The following PPP2R2A variants were observed in gnomAD, a reference collection of about 807,000 sequenced individuals.
PPP2R2A encodes the protein serine/threonine-protein phosphatase 2A 55 kDa regulatory subunit B alpha isoform.
PPP2R2A carries 9 observed loss-of-function variants against 53.2 expected under a neutral mutation model. The ratio of observed to expected loss-of-function variants is 0.17; its 90% CI spans 0.10 to 0.30. The LOEUF is 0.30. PPP2R2A is among the 10% of genes least tolerant of loss of function. The pLI, the probability that PPP2R2A is intolerant of heterozygous loss-of-function variation, is 1.00. For missense variants in PPP2R2A, 235 were observed against 534.6 expected, an observed-to-expected ratio of 0.44 and a Z score of 5.53; for synonymous variants, 169 against 174.2, an observed-to-expected ratio of 0.97 and a Z score of 0.23.
rs572071846 is a variant in PPP2R2A at position 26,311,283 on chromosome 8, G to A, written c.82+17543G>A. Among the ~76,000 whole-genome samples, 22 of 152,282 alleles carry A rather than the reference G, an allele frequency of 1.4e-4. No individual in the cohort carries two copies. The South Asian group carries it at 4.3e-3, about 30-fold the overall frequency. ...TTAACAGAATTAACAGTTGATAGCA[G>A]AAGAATAAAAGCCTATTCCGGTCCA... is the stretch of plus-strand genomic sequence containing the variant. On this transcript the variant is annotated intron_variant, in intron 2 of 9. Coordinates refer to ENST00000380737, the MANE Select transcript of PPP2R2A (RefSeq NM_002717.4).
intron 2 of PPP2R2A, among the ~76,000 whole-genome samples, chr8:26,336,908 A>G (rs1803691887): frequency 6.6e-6 from 1 of 151,992 alleles, no homozygotes; most frequent in Non-Finnish European, 1.5e-5. Context: ...TGCTGCACCA[A>G]ACCTACCTGT....
intron 2 of PPP2R2A, among the ~76,000 whole-genome samples, chr8:26,334,941 G>A (rs1563305624): frequency 6.6e-6 from 1 of 152,168 alleles, no homozygotes; most frequent in Non-Finnish European, 1.5e-5. Flanking sequence ...GCATGAAATG[G>A]TATCCCTGTT....
At position 26,360,653 on chromosome 8, in the gene PPP2R2A, G is replaced by A. The variant is rs1805032222; in HGVS notation, c.460-321G>A. On this transcript the variant is annotated intron_variant, in intron 5 of 9. Coordinates refer to ENST00000380737, the MANE Select transcript of PPP2R2A (RefSeq NM_002717.4). This position sits in a 1 kb window ranked among gnomAD's most constrained non-coding sequence, Gnocchi z 4.5. ...AAAAATACCAAGAATTAGATGTTAT[G>A]GGTTAATTTTCTTTTTAGCCTCTTT... 2 of 312,246 alleles carry A rather than the reference G, an allele frequency of 6.4e-6. No homozygotes were observed. The highest frequency in any genetic ancestry group is 1.2e-5 in the Non-Finnish European group (2 of 173,504). 19.3% of individuals were successfully genotyped at this position (312,246 alleles called of 1,614,324 possible). A position where few individuals can be genotyped will look rare whatever the true frequency, so the allele number is the denominator to read the frequency against.
At position 26,323,431 on chromosome 8, in the gene PPP2R2A, G is replaced by A. The variant is rs113844634; in HGVS notation, c.83-15459G>A. ...ATAGCATCATATTCCCCAGGTTGAG[G>A]GGGCTCGGTCCCACAAGACTGCCCC... is the stretch of plus-strand genomic sequence containing the variant. On this transcript the variant is annotated intron_variant, in intron 2 of 9. Transcript: ENST00000380737. Among the ~76,000 whole-genome samples the A allele has an allele frequency of 2.9e-3, 446 of 152,290 alleles. 3 individuals carry two copies. The highest frequency in any genetic ancestry group is 0.01 in the African/African-American group (423 of 41,544).
chr8:26,311,601 C>G (rs1277254522), intron 2 of PPP2R2A, among the ~76,000 whole-genome samples: 1 of 152,128 alleles, frequency 6.6e-6, no homozygotes, highest in Non-Finnish European at 1.5e-5. Context: ...GCCACGAGTT[C>G]AAAGCTGTTG....
intron 2 of PPP2R2A, among the ~76,000 whole-genome samples, chr8:26,314,424 C>G (rs1802442245): frequency 6.6e-6 from 1 of 152,148 alleles, no homozygotes; most frequent in African/African-American, 2.4e-5. Context: ...TCTTTTGCCT[C>G]TGCTGTGTTG....
chr8:26,346,276 GA>G (rs1268133484), intron 3 of PPP2R2A, among the ~76,000 whole-genome samples: 1 of 152,036 alleles, frequency 6.6e-6, no homozygotes, highest in Non-Finnish European at 1.5e-5. Flanking sequence ...GAGTAGCTGG[GA>G]TTACAGACGT....
chr8:26,347,973 TGA>T, intron 3 of PPP2R2A, among the ~76,000 whole-genome samples: 1 of 152,334 alleles, frequency 6.6e-6, no homozygotes, highest in Middle Eastern at 3.4e-3. Context: ...CTGAATGTGT[TGA>T]GAGTAGTTAT....
chr8:26,353,279 T>C (rs1804611669), intron 3 of PPP2R2A, among the ~76,000 whole-genome samples: 1 of 152,200 alleles, frequency 6.6e-6, no homozygotes, highest in African/African-American at 2.4e-5. Context: ...ATTCTTAACA[T>C]TGGCAGACTT....
In PPP2R2A at chr8:26,362,365, TGTA is replaced by T. The variant is rs1286017828; in HGVS notation, c.638-316_638-314del. ...CAAAAAAAAAAAAAAATTAGTCAGT[TGTA>T]GTGGTGTGCGCCTGTAATCCCAGCT... On this transcript the variant is annotated intron_variant, in intron 6 of 9. Transcript: ENST00000380737. The surrounding 1 kb of genome is among the most constrained non-coding windows in gnomAD (Gnocchi z 4.4). Among the ~76,000 whole-genome samples the T allele has an allele frequency of 1.3e-5, 2 of 150,586 alleles. No homozygotes were observed. The highest frequency in any genetic ancestry group is 4.9e-5 in the African/African-American group (2 of 41,032).
chr8:26,358,872 C>T (rs1362411913), intron 4 of PPP2R2A: 1 of 454,926 alleles, frequency 2.2e-6, no homozygotes, highest in South Asian at 1.6e-5. Context: ...ACATACTCTT[C>T]CCTACAGGGA....
At position 26,371,442 on chromosome 8, in the gene PPP2R2A, A is replaced by G. The variant is rs1047398336; in HGVS notation, c.*1029A>G. On this transcript the variant is annotated 3_prime_UTR_variant, in exon 10 of 10. Coordinates refer to ENST00000380737, the MANE Select transcript of PPP2R2A (RefSeq NM_002717.4). ...TTATGTGTTAATGAAATTGTTGTAA[A>G]TGGGAACCAAATTTGTAGAACTTAA... 6.6e-6 allele frequency: 1 copy of G among 151,480 alleles called. No homozygotes were observed. Among genetic ancestry groups the G allele is most frequent in the Non-Finnish European group, 1.5e-5 (1 of 67,942 alleles). 9.4% of individuals were successfully genotyped at this position (151,480 alleles called of 1,614,324 possible).
In PPP2R2A at chr8:26,360,691, A is replaced by G. The variant is rs1003718515; in HGVS notation, c.460-283A>G. 9.1e-5 allele frequency: 35 copies of G among 383,798 alleles called. No individual in the cohort carries two copies. Among genetic ancestry groups the G allele is most frequent in the Non-Finnish European group, 1.5e-4 (32 of 218,586 alleles). 23.8% of individuals were successfully genotyped at this position (383,798 alleles called of 1,614,324 possible). On this transcript the variant is annotated intron_variant, in intron 5 of 9. Coordinates refer to ENST00000380737, the MANE Select transcript of PPP2R2A (RefSeq NM_002717.4). The surrounding 1 kb of genome is among the most constrained non-coding windows in gnomAD (Gnocchi z 4.5). Reference sequence around the variant, plus strand: ...TTTTAGCCTCTTTAATCTGAACCATAAACATTTATTAGCTTGGCATGTCTT... The same window carrying G: ...TTTTAGCCTCTTTAATCTGAACCATGAACATTTATTAGCTTGGCATGTCTT...
At position 26,354,261 on chromosome 8, in the gene PPP2R2A, A is replaced by T. The variant is rs571894012; in HGVS notation, c.181-207A>T. ...TTTCCCTAATGAATTGAGCTTATTTATTCAGCTTTATTTAGCCTTTTCCCC... is the reference window on the plus strand; with the variant it reads ...TTTCCCTAATGAATTGAGCTTATTTTTTCAGCTTTATTTAGCCTTTTCCCC... On this transcript the variant is annotated intron_variant, in intron 3 of 9. Transcript: ENST00000380737. This position sits in a 1 kb window ranked among gnomAD's most constrained non-coding sequence, Gnocchi z 4.6. 6.6e-6 allele frequency among the ~76,000 whole-genome samples: 1 copy of T among 152,276 alleles called. No individual in the cohort carries two copies. Among genetic ancestry groups the T allele is most frequent in the East Asian group, 1.9e-4 (1 of 5,174 alleles).
intron 2 of PPP2R2A, among the ~76,000 whole-genome samples, chr8:26,295,258 T>C (rs897880837): frequency 1.3e-5 from 2 of 152,204 alleles, no homozygotes; most frequent in African/African-American, 4.8e-5. Flanking sequence ...AAGGAGCTCA[T>C]AGTTTGCTTG....
rs1563277697 is a variant in PPP2R2A, at chr8:26,293,709, G to A, written c.51G>A (p.Val17=). Residue 17 remains valine (V), a synonymous_variant, in exon 2 of 10, where the codon GTG becomes GTA. Transcript: ENST00000380737. ...GNDIQWCFSQ[V]KGAVDDDVAE... ...ATATTCAGTGGTGTTTTTCTCAGGTGAAAGGAGCAGTAGATGATGATGTAG... is the reference window on the plus strand; with the variant it reads ...ATATTCAGTGGTGTTTTTCTCAGGTAAAAGGAGCAGTAGATGATGATGTAG... The A allele has an allele frequency of 6.2e-7, 1 of 1,613,546 alleles. No homozygotes were observed. The highest frequency in any genetic ancestry group is 1.3e-5 in the African/African-American group (1 of 74,992).
chr8:26,308,833 T>C (rs1802141776), intron 2 of PPP2R2A, among the ~76,000 whole-genome samples: 1 of 152,134 alleles, frequency 6.6e-6, no homozygotes, highest in South Asian at 2.1e-4. Flanking sequence ...GGAATCACTG[T>C]CTATGTCAGT....
chr8:26,293,474 C>T (rs901795582), intron 1 of PPP2R2A, 192 bp from the exon 2 acceptor site: 3 of 692,108 alleles, frequency 4.3e-6, no homozygotes, highest in Non-Finnish European at 7.1e-6. Context: ...TACCTGGAAT[C>T]TTTTTTTTCT....
intron 3 of PPP2R2A, among the ~76,000 whole-genome samples, chr8:26,347,570 T>C (rs1804284766): frequency 6.6e-6 from 1 of 152,144 alleles, no homozygotes; most frequent in South Asian, 2.1e-4. Context: ...TTAACAACTT[T>C]AGGTTTTAAA....
Sources: gnomAD v4.1 joint callset for allele counts (sites outside exome capture counted in the v4.1 genomes callset) on GRCh38, gnomAD v4.1.1 for gene constraint, Gnocchi (gnomAD v3.1) non-coding constraint, MANE v1.5 for transcripts, NCBI Gene and HGNC (gene_info 2026-07-23, HGNC 2026-07-21) for gene names.